The following GLT1D1 variants were observed in gnomAD, a reference collection of about 807,000 sequenced individuals.
The protein encoded by GLT1D1 is glycosyltransferase 1 domain containing 1, also known as glycosyltransferase 1 domain-containing protein 1.
In GLT1D1, 21 loss-of-function variants were observed where a neutral mutation model predicts 28.7. The observed-to-expected ratio is 0.73, with a 90% confidence interval of 0.52 to 1.05. GLT1D1 has a LOEUF of 1.05. Among genes scored for constraint, GLT1D1 ranks in the 50% least tolerant of loss-of-function variants. The probability of loss-of-function intolerance (pLI) is 0.00; values close to 1 mark genes in which losing one functional copy is unlikely to be tolerated. For synonymous variants in GLT1D1, 147 were observed against 124.8 expected (o/e 1.18, Z -1.19); for missense variants, 343 against 330.6 (o/e 1.04, Z -0.29).
rs781523735 is a variant in GLT1D1, at chr12:128,853,621, G to T, written c.40G>T (p.Gly14Cys). ...CCTGGCGGTGCTGCGGCCACACACC[G>T]GCAACGCGGTCACGGCCCAGCGCGT... The change falls in exon 1 of 8, where the codon GGC becomes TGC. Residue 14 changes from glycine to cysteine, a missense_variant. Coordinates refer to ENST00000281703, the MANE Select transcript of GLT1D1 (RefSeq NM_144669.3). The T allele has an allele frequency of 8.5e-7, 1 of 1,180,298 alleles. No individual in the cohort carries two copies. The highest frequency in any genetic ancestry group is 1.1e-6 in the Non-Finnish European group (1 of 943,154). 73.1% of individuals were successfully genotyped at this position (1,180,298 alleles called of 1,614,324 possible). A position where few individuals can be genotyped will look rare whatever the true frequency, so the allele number is the denominator to read the frequency against.
At chr12:128,905,238 TG>T (rs936505906) in intron 4 of GLT1D1, among the ~76,000 whole-genome samples, 3 of 152,246 alleles carry the variant, frequency 2.0e-5, no homozygotes, top group Non-Finnish European at 4.4e-5. Flanking sequence ...TTTACCTTTT[TG>T]TGTGTGAAGT....
At chr12:128,915,013 G>A in intron 4 of GLT1D1, 24 bp downstream of exon 6, 1 of 1,516,536 alleles carries the variant, frequency 6.6e-7, no homozygotes, top group Non-Finnish European at 8.8e-7. Context: ...TCTTCTTAGA[G>A]GATTTTGATG....
Position 128,941,894 on chromosome 12 carries a change from T to G in GLT1D1, c.376-3432T>G, listed in dbSNP as rs1280794171. 8.9e-5 allele frequency among the ~76,000 whole-genome samples: 12 copies of G among 134,836 alleles called. No individual in the cohort carries two copies. In the East Asian group the frequency reaches 2.7e-3, roughly 30 times the overall value. The allele number at this position is 134,836 out of a possible 152,430, so 88.5% of individuals were successfully genotyped here. ...AGCATGAGCCACCGTGCCTGGTCTC[T>G]CTCTCTCTCTCTTTTTTTTTTTTTT... On this transcript the variant is annotated intron_variant, in intron 4 of 7. Transcript: ENST00000281703.
intron 6 of GLT1D1, among the ~76,000 whole-genome samples, chr12:128,950,717 C>G (rs2135501087): frequency 6.6e-6 from 1 of 152,304 alleles, no homozygotes; most frequent in East Asian, 1.9e-4. Flanking sequence ...AAACCTTTAT[C>G]AGCTCTGCTG....
In GLT1D1 at chr12:128,984,341, T is replaced by G. The variant is rs1880598482; in HGVS notation, c.*1251T>G. The G allele has an allele frequency of 6.6e-6, 1 of 151,960 alleles. No homozygotes were observed. 9.4% of individuals were successfully genotyped at this position (151,960 alleles called of 1,614,324 possible). A position where few individuals can be genotyped will look rare whatever the true frequency, so the allele number is the denominator to read the frequency against. ...TTTCATGTTTTCAACCATCATTTTT[T>G]TAATGGCACAACCTACATCTTGTTT... is the stretch of plus-strand genomic sequence containing the variant. On this transcript the variant is annotated 3_prime_UTR_variant, in exon 8 of 8. Transcript: ENST00000281703.
chr12:128,954,231 C>T (rs1455336403), intron 6 of GLT1D1, among the ~76,000 whole-genome samples: 2 of 151,894 alleles, frequency 1.3e-5, no homozygotes, highest in African/African-American at 4.8e-5. Context: ...TCGCCATTCT[C>T]CTGCCTCAGC....
At chr12:128,877,763 A>G (rs572536783) in intron 2 of GLT1D1, among the ~76,000 whole-genome samples, 1 of 152,328 alleles carries the variant, frequency 6.6e-6, no homozygotes, top group African/African-American at 2.4e-5. Context: ...GCCCCAACTT[A>G]GTTGCTTATC....
In GLT1D1 at chr12:128,879,063, T is replaced by G. The variant is rs114358275; in HGVS notation, c.217+3001T>G. 5.3e-3 allele frequency among the ~76,000 whole-genome samples: 815 copies of G among 152,346 alleles called. 6 individuals carry two copies. Among genetic ancestry groups the G allele is most frequent in the African/African-American group, 0.018 (763 of 41,588 alleles). Reference sequence around the variant, plus strand: ...GAACCTTTGTAAGGTTGTCACTGACTGTTGCAACTCTTTCATGCAGTCACA... The same window carrying G: ...GAACCTTTGTAAGGTTGTCACTGACGGTTGCAACTCTTTCATGCAGTCACA... On this transcript the variant is annotated intron_variant, in intron 2 of 7. Transcript: ENST00000281703.
intron 4 of GLT1D1, among the ~76,000 whole-genome samples, chr12:128,940,874 G>A (rs1433390127): frequency 1.3e-5 from 2 of 152,120 alleles, no homozygotes; most frequent in African/African-American, 2.4e-5. Flanking sequence ...TCACAAAGTT[G>A]TGCAACCATC....
At position 128,984,873 on chromosome 12, in the gene GLT1D1, A is replaced by G. The variant is rs571781320; in HGVS notation, c.*1783A>G. The G allele has an allele frequency of 6.6e-6, 1 of 152,332 alleles. No homozygotes were observed. Among genetic ancestry groups the G allele is most frequent in the East Asian group, 1.9e-4 (1 of 5,186 alleles). 9.4% of individuals were successfully genotyped at this position (152,332 alleles called of 1,614,324 possible). A position where few individuals can be genotyped will look rare whatever the true frequency, so the allele number is the denominator to read the frequency against. On this transcript the variant is annotated 3_prime_UTR_variant, in exon 8 of 8. Transcript: ENST00000281703. The stretch of plus-strand genomic sequence containing the variant: ...CCACCGTACCTCCACATCACTATTC[A>G]TGTCCTTCTAGGAAAATGTGCACAT...
At chr12:128,915,223 C>T (rs1871986148) in intron 4 of GLT1D1, among the ~76,000 whole-genome samples, 3 of 152,140 alleles carry the variant, frequency 2.0e-5, no homozygotes, top group Non-Finnish European at 4.4e-5. Flanking sequence ...CACCTGCTTT[C>T]CAAATTTTCA....
At chr12:128,972,947 G>A (rs1879333677) in intron 7 of GLT1D1, among the ~76,000 whole-genome samples, 1 of 152,030 alleles carries the variant, frequency 6.6e-6, no homozygotes, top group South Asian at 2.1e-4. Flanking sequence ...CACTGACTTA[G>A]CAACTTTCAA....
At chr12:128,878,616 C>CT (rs1019180767) in intron 2 of GLT1D1, among the ~76,000 whole-genome samples, 14 of 148,412 alleles carry the variant, frequency 9.4e-5, no homozygotes, top group South Asian at 2.1e-4. Flanking sequence ...TTTTTTTTTT[C>CT]TTTTTTTTTG....
chr12:128,870,986 A>G (rs10083085), intron 1 of GLT1D1, among the ~76,000 whole-genome samples: 4,455 of 152,258 alleles, frequency 0.029, 218 homozygotes, highest in African/African-American at 0.1. Flanking sequence ...GCAAGACCGT[A>G]TCTCAAAAAC....
intron 4 of GLT1D1, among the ~76,000 whole-genome samples, chr12:128,942,853 T>A (rs1875504561): frequency 6.6e-6 from 1 of 151,088 alleles, no homozygotes; most frequent in Non-Finnish European, 1.5e-5. Context: ...CGGGTTCAAG[T>A]GATTCCCCTG....
At chr12:128,855,746 CTTTTTT>C (rs34715979) in intron 1 of GLT1D1, among the ~76,000 whole-genome samples, 1 of 95,158 alleles carries the variant, frequency 1.1e-5, no homozygotes, top group African/African-American at 4.1e-5. Context: ...TGCTGGTTGC[CTTTTTT>C]TTTTTTTTTT....
chr12:128,941,614 C>G (rs1490062788), intron 4 of GLT1D1, among the ~76,000 whole-genome samples: 1 of 138,240 alleles, frequency 7.2e-6, no homozygotes, highest in Admixed American at 7.4e-5. Flanking sequence ...ACTCTGTTAC[C>G]TAGGCTGGAG....
chr12:128,983,863 C>G lies in GLT1D1; in HGVS notation c.*773C>G, dbSNP rs1031901448. 6.6e-6 allele frequency: 1 copy of G among 152,344 alleles called. No homozygotes were observed. The highest frequency in any genetic ancestry group is 2.1e-4 in the South Asian group (1 of 4,828). 9.4% of individuals were successfully genotyped at this position (152,344 alleles called of 1,614,324 possible). A position where few individuals can be genotyped will look rare whatever the true frequency, so the allele number is the denominator to read the frequency against. On this transcript the variant is annotated 3_prime_UTR_variant, in exon 8 of 8. Coordinates refer to ENST00000281703, the MANE Select transcript of GLT1D1 (RefSeq NM_144669.3). The surrounding 1 kb of genome is among the most constrained non-coding windows in gnomAD (Gnocchi z 4.7). ...TCTTCCCCTTCCCACATCAGGGACC[C>G]GGGGATGGATGTCGGAAGGGTCACC... is the stretch of plus-strand genomic sequence containing the variant.
At chr12:128,887,397 G>A (rs1868515945) in intron 2 of GLT1D1, among the ~76,000 whole-genome samples, 1 of 151,908 alleles carries the variant, frequency 6.6e-6, no homozygotes, top group African/African-American at 2.4e-5. Flanking sequence ...CAGATGCTCT[G>A]TGCATATAGA....
Sources: gnomAD v4.1 joint callset for allele counts (sites outside exome capture counted in the v4.1 genomes callset) on GRCh38, gnomAD v4.1.1 for gene constraint, Gnocchi (gnomAD v3.1) non-coding constraint, MANE v1.5 for transcripts, NCBI Gene and HGNC (gene_info 2026-07-23, HGNC 2026-07-21) for gene names.